BRI3: variants seen among roughly 807,000 people sequenced by gnomAD.
BRI3 encodes the protein membrane protein BRI3.
BRI3 carries 6 observed loss-of-function variants against 12.8 expected under a neutral mutation model. The ratio of observed to expected loss-of-function variants is 0.47; its 90% CI spans 0.26 to 0.93. BRI3 has a LOEUF of 0.93. Among genes scored for constraint, BRI3 ranks in the 40% least tolerant of loss-of-function variants. BRI3 has a pLI of 0.15. For missense variants in BRI3, 134 were observed against 171.1 expected (o/e 0.78, Z 1.21); for synonymous variants, 91 against 76.1 (o/e 1.20, Z -1.02).
chr7:98,297,303 T>C (rs1443926871), downstream of BRI3, among the ~76,000 whole-genome samples: 1 of 152,204 alleles, frequency 6.6e-6, no homozygotes, highest in African/African-American at 2.4e-5. Context: ...GCTTCCAGGG[T>C]GCCCACCACA....
intron 2 of BRI3, among the ~76,000 whole-genome samples, chr7:98,284,017 T>TG (rs1373825617): frequency 6.6e-6 from 1 of 152,220 alleles, no homozygotes; most frequent in Non-Finnish European, 1.5e-5. Flanking sequence ...TCCGCTAACC[T>TG]GGAGGTGCTC....
chr7:98,290,375 T>G, intron 2 of BRI3, among the ~76,000 whole-genome samples: 1 of 151,728 alleles, frequency 6.6e-6, no homozygotes, highest in Non-Finnish European at 1.5e-5. Flanking sequence ...TTTTGTATTT[T>G]TAGTAGAGAC....
upstream of BRI3, among the ~76,000 whole-genome samples, chr7:98,304,838 T>C (rs6465665): frequency 0.4 from 61,143 of 151,014 alleles, 13,332 homozygotes; most frequent in Middle Eastern, 0.54. Context: ...ATGTTTTTAG[T>C]GGTTTCTAAA....
rs563450266 is a variant in BRI3 at position 98,291,464 on chromosome 7, G to C, written c.*221G>C. On this transcript the variant is annotated 3_prime_UTR_variant, in exon 3 of 3. Transcript: ENST00000297290. ...CAATAAAGCACTGCTTTTATTTTTT[G>C]CAGTCTTCAATTTGAGAAAGGTGAG... 7.3e-7 allele frequency: 1 copy of C among 1,361,172 alleles called. No homozygotes were observed. The highest frequency in any genetic ancestry group is 9.5e-7 in the Non-Finnish European group (1 of 1,057,858). The allele number at this position is 1,361,172 out of a possible 1,614,324, so 84.3% of individuals were successfully genotyped here.
At chr7:98,312,122 G>A, downstream of BRI3, 1 of 1,609,838 alleles carries the variant, frequency 6.2e-7, no homozygotes, top group South Asian at 1.1e-5. Flanking sequence ...GATCATGGGT[G>A]AAGCCTGAGG....
At chr7:98,308,385 A>G in exon 2 of BRI3, 1 of 426,468 alleles carries the variant, frequency 2.3e-6, no homozygotes, top group Non-Finnish European at 4.7e-6. Context: ...CCCCAGGCCT[A>G]AGAAGGACAA....
At chr7:98,320,157 C>A in the BRI3 span, 37 of 1,598,216 alleles carry the variant, frequency 2.3e-5, no homozygotes, top group Non-Finnish European at 2.8e-5. Flanking sequence ...TAAATTCATA[C>A]CAGGTTTGAG....
At chr7:98,289,592 C>T (rs1263568796) in intron 2 of BRI3, among the ~76,000 whole-genome samples, 3 of 152,226 alleles carry the variant, frequency 2.0e-5, no homozygotes, top group African/African-American at 7.2e-5. Flanking sequence ...GTCCCATCAT[C>T]TATCAGACAG....
At chr7:98,294,528 G>A (rs900802998), downstream of BRI3, among the ~76,000 whole-genome samples, 8 of 152,288 alleles carry the variant, frequency 5.3e-5, no homozygotes, top group Non-Finnish European at 8.8e-5. Context: ...TGAACGAGCC[G>A]CCTGCTAAAC....
chr7:98,303,970 T>TA (rs1358657311), upstream of BRI3, among the ~76,000 whole-genome samples: 2 of 152,142 alleles, frequency 1.3e-5, no homozygotes, highest in Admixed American at 1.3e-4. Context: ...ACTGACAAGA[T>TA]AGAGTCCACA....
the BRI3 span, chr7:98,320,335 T>A: frequency 6.7e-7 from 1 of 1,496,252 alleles, no homozygotes; most frequent in Non-Finnish European, 9.1e-7. Flanking sequence ...GGGAAGCCAT[T>A]GCGTATTTTT....
At chr7:98,317,082 A>C in the BRI3 span, 3 of 1,066,296 alleles carry the variant, frequency 2.8e-6, no homozygotes, top group South Asian at 1.5e-5. Flanking sequence ...CGAACTCCTG[A>C]CCTCATATGA....
chr7:98,290,699 G>A (rs900518473), intron 2 of BRI3, among the ~76,000 whole-genome samples: 9 of 149,464 alleles, frequency 6.0e-5, no homozygotes, highest in African/African-American at 9.9e-5. Flanking sequence ...GGGTTTCACC[G>A]TGTTGGCCAG....
At chr7:98,307,332 C>G (rs1289965583) in intron 1 of BRI3, 1 of 999,406 alleles carries the variant, frequency 1.0e-6, no homozygotes, top group Non-Finnish European at 1.2e-6. Context: ...TCTGGAACTC[C>G]TAACCTCAGG....
At chr7:98,295,138 C>A (rs1306836632), downstream of BRI3, among the ~76,000 whole-genome samples, 2 of 152,240 alleles carry the variant, frequency 1.3e-5, no homozygotes, top group African/African-American at 4.8e-5. Flanking sequence ...GGGAGGCCCT[C>A]TCATGCCCGA....
downstream of BRI3, chr7:98,312,138 C>T (rs146234480): frequency 2.4e-5 from 39 of 1,613,618 alleles, no homozygotes; most frequent in African/African-American, 5.1e-4. Context: ...TGAGGAGTTC[C>T]AGACACGGGG....
chr7:98,305,976 C>T (rs150823878), upstream of BRI3, among the ~76,000 whole-genome samples: 27 of 152,220 alleles, frequency 1.8e-4, no homozygotes, highest in Non-Finnish European at 3.5e-4. Context: ...CCCAAGAACA[C>T]TGATGTTTAA....
At chr7:98,282,550 C>T (rs1562955738) in intron 2 of BRI3, 97 bp downstream of exon 2, 9 of 1,006,080 alleles carry the variant, frequency 8.9e-6, no homozygotes, top group Admixed American at 4.3e-5. Flanking sequence ...GGAGTGGGTC[C>T]GGCTTGACTT....
the BRI3 span, among the ~76,000 whole-genome samples, chr7:98,318,744 ACCAG>A: frequency 1.9e-3 from 283 of 150,136 alleles, 1 homozygote; most frequent in African/African-American, 6.4e-3. Context: ...GAAGTTTGAG[ACCAG>A]CCTGGCTAAA....
Sources: gnomAD v4.1 joint callset for allele counts (sites outside exome capture counted in the v4.1 genomes callset) on GRCh38, gnomAD v4.1.1 for gene constraint, MANE v1.5 for transcripts, NCBI Gene and HGNC (gene_info 2026-07-23, HGNC 2026-07-21) for gene names.